VDAC1: variants seen among roughly 807,000 people sequenced by gnomAD.
VDAC1 encodes non-selective voltage-gated ion channel VDAC1.
Under a neutral mutation model 34.7 loss-of-function variants are expected in VDAC1, and 10 were observed. That is an observed-to-expected ratio of 0.29 (90% CI 0.18 to 0.49). VDAC1 has a LOEUF of 0.49. Ranked by LOEUF, VDAC1 falls within the 20% of genes least tolerant of loss-of-function variation. The pLI, the probability that VDAC1 is intolerant of heterozygous loss-of-function variation, is 0.99. For missense variants in VDAC1, 230 were observed against 347.9 expected, an observed-to-expected ratio of 0.66 and a Z score of 2.69; for synonymous variants, 130 against 136.0, an observed-to-expected ratio of 0.96 and a Z score of 0.30.
chr5:134,058,716 G>C, the VDAC1 span, among the ~76,000 whole-genome samples: 1 of 152,140 alleles, frequency 6.6e-6, no homozygotes, highest in African/African-American at 2.4e-5. Context: ...GCCAGATAGG[G>C]AACAGAGCAA....
chr5:134,052,336 C>CT, the VDAC1 span, among the ~76,000 whole-genome samples: 42 of 149,852 alleles, frequency 2.8e-4, no homozygotes, highest in Non-Finnish European at 3.6e-4. Context: ...TTATGTAAAA[C>CT]TTTTTTTTTT....
chr5:134,008,542 TCTA>T (rs1580739917), upstream of VDAC1, among the ~76,000 whole-genome samples: 1 of 152,358 alleles, frequency 6.6e-6, no homozygotes, highest in East Asian at 1.9e-4. Context: ...CCTTAGGGCT[TCTA>T]CTGTAGATAT....
chr5:133,980,702 C>CCCCCCCCCA, intron 6 of VDAC1, 27 bp downstream of exon 6: 1 of 885,138 alleles, frequency 1.1e-6, no homozygotes, highest in Non-Finnish European at 1.8e-6. Context: ...CCACCCCTCC[C>CCCCCCCCCA]ACCCTGCTGC....
chr5:134,048,126 C>T, the VDAC1 span, among the ~76,000 whole-genome samples: 1 of 152,096 alleles, frequency 6.6e-6, no homozygotes, highest in African/African-American at 2.4e-5. Flanking sequence ...CACCACCATG[C>T]CCTGCTAACT....
the VDAC1 span, among the ~76,000 whole-genome samples, chr5:134,100,068 G>A: frequency 6.6e-6 from 1 of 152,260 alleles, no homozygotes; most frequent in Non-Finnish European, 1.5e-5. Flanking sequence ...CATAGGCACA[G>A]GCAGAGAAAA....
rs143040726 is a variant in VDAC1, at chr5:133,972,404, G to A, written c.*367C>T. On this transcript the variant is annotated 3_prime_UTR_variant, in exon 9 of 9. Transcript: ENST00000265333. ...AGCAGCGAGCCTCTCATCAATTAGG[G>A]TTAGGGAACCAAGGTTCGATTCTCA... 4.2e-3 allele frequency: 1,756 copies of A among 422,778 alleles called. 72 individuals are homozygous for A. In the Admixed American group the frequency reaches 0.062, roughly 15 times the overall value. 26.2% of individuals were successfully genotyped at this position (422,778 alleles called of 1,614,324 possible). A position where few individuals can be genotyped will look rare whatever the true frequency, so the allele number is the denominator to read the frequency against.
intron 1 of VDAC1, among the ~76,000 whole-genome samples, chr5:133,994,775 C>T (rs929530386): frequency 2.3e-4 from 35 of 152,164 alleles, no homozygotes; most frequent in African/African-American, 8.2e-4. Context: ...AACAAACCAT[C>T]AGTGAACCAA....
chr5:133,980,641 A>T, intron 6 of VDAC1, 88 bp downstream of exon 6: 1 of 1,020,436 alleles, frequency 9.8e-7, no homozygotes, highest in South Asian at 1.7e-5. Context: ...TCTTAAAAAA[A>T]AAAAAAAAAA....
the VDAC1 span, among the ~76,000 whole-genome samples, chr5:134,040,058 AG>A: frequency 6.6e-6 from 1 of 152,228 alleles, no homozygotes; most frequent in Non-Finnish European, 1.5e-5. Context: ...CGGAGGCTTC[AG>A]TTCCATGGGT....
At chr5:134,044,877 AG>A in the VDAC1 span, among the ~76,000 whole-genome samples, 2 of 152,326 alleles carry the variant, frequency 1.3e-5, no homozygotes, top group East Asian at 3.9e-4. Context: ...AGAGTCTTCA[AG>A]GAGCTCATCA....
the VDAC1 span, among the ~76,000 whole-genome samples, chr5:134,069,844 A>G: frequency 6.6e-6 from 1 of 152,176 alleles, no homozygotes; most frequent in African/African-American, 2.4e-5. Flanking sequence ...GACAAGATAC[A>G]GGTCATTGAG....
chr5:134,068,966 C>CTGTGTGTGTGTGTGTGTGTGTGTG, the VDAC1 span, among the ~76,000 whole-genome samples: 1 of 136,610 alleles, frequency 7.3e-6, no homozygotes, highest in African/African-American at 2.8e-5. Context: ...TGGGAGGTGA[C>CTGTGTGTGTGTGTGTGTGTGTGTG]TGTGTGTGTG....
chr5:134,029,316 A>AATATGTGG, the VDAC1 span, among the ~76,000 whole-genome samples: 2 of 152,222 alleles, frequency 1.3e-5, no homozygotes, highest in African/African-American at 4.8e-5. Context: ...ACCTACAGAA[A>AATATGTGG]ATATGTGGGG....
chr5:133,975,906 C>A lies in VDAC1; in HGVS notation c.667G>T (p.Ala223Ser), dbSNP rs769723296. The change falls in exon 7 of 9, where the codon GCC becomes TCC. Residue 223 changes from alanine to serine, a missense_variant. Ala to Ser is a moderately conservative substitution (Grantham distance 99). Transcript: ENST00000265333. ...GNSNTRFGIA[A>S]KYQIDPDACF... is the part of the protein sequence containing the mutation. ...GCGTCAGGGTCAATCTGATACTTGG[C>A]TGCTATTCCGAAGCGCGTGTTACTG... 6.2e-7 allele frequency: 1 copy of A among 1,612,382 alleles called. No homozygotes were observed. The highest frequency in any genetic ancestry group is 1.7e-5 in the Admixed American group (1 of 59,964).
chr5:134,026,780 C>T, the VDAC1 span, among the ~76,000 whole-genome samples: 8 of 152,286 alleles, frequency 5.3e-5, no homozygotes, highest in South Asian at 6.2e-4. Context: ...TCTCCAAGCC[C>T]GTCACCCCAA....
chr5:134,088,436 C>A, the VDAC1 span, among the ~76,000 whole-genome samples: 1 of 152,166 alleles, frequency 6.6e-6, no homozygotes, highest in African/African-American at 2.4e-5. Context: ...CTGAGCCAGG[C>A]TGGGAGAGAC....
the VDAC1 span, among the ~76,000 whole-genome samples, chr5:134,063,390 C>T: frequency 2.0e-5 from 3 of 152,180 alleles, no homozygotes; most frequent in Non-Finnish European, 4.4e-5. Context: ...CTCCCTACCC[C>T]CATCCCTGTC....
intron 5 of VDAC1, 59 bp from the exon 6 acceptor site, chr5:133,981,015 TC>T (rs1752675110): frequency 6.9e-6 from 10 of 1,439,702 alleles, no homozygotes; most frequent in East Asian, 2.3e-5. Context: ...ATGCAAGTTG[TC>T]TTTTTTTTTT....
At chr5:133,984,563 G>A (rs1485595988) in intron 5 of VDAC1, among the ~76,000 whole-genome samples, 10 of 152,114 alleles carry the variant, frequency 6.6e-5, no homozygotes, top group African/African-American at 2.2e-4. Flanking sequence ...AGGATTACAG[G>A]CGTGAGCCAC....
Sources: gnomAD v4.1 joint callset for allele counts (sites outside exome capture counted in the v4.1 genomes callset) on GRCh38, gnomAD v4.1.1 for gene constraint, MANE v1.5 for transcripts, NCBI Gene and HGNC (gene_info 2026-07-23, HGNC 2026-07-21) for gene names.